ZNF140: variants seen among roughly 807,000 people sequenced by gnomAD.
ZNF140 encodes zinc finger protein 140, also known as zinc finger protein 140 (clone pHZ-39).
Under a neutral mutation model 12.9 loss-of-function variants are expected in ZNF140, and 13 were observed. The ratio of observed to expected loss-of-function variants is 1.01; its 90% CI spans 0.66 to 1.60. The LOEUF (loss-of-function observed/expected upper bound fraction) is 1.60, where lower values mean the gene tolerates loss of function less well. Among genes scored for constraint, ZNF140 ranks in the 40% most tolerant of loss-of-function variants. The pLI, the probability that ZNF140 is intolerant of heterozygous loss-of-function variation, is 0.00. For missense variants in ZNF140, 531 were observed against 548.8 expected, an observed-to-expected ratio of 0.97 and a Z score of 0.32; for synonymous variants, 214 against 186.7, an observed-to-expected ratio of 1.15 and a Z score of -1.19.
chr12:133,083,779 G>A (rs1954579178), intron 4 of ZNF140, among the ~76,000 whole-genome samples: 2 of 152,094 alleles, frequency 1.3e-5, no homozygotes, highest in South Asian at 2.1e-4. Context: ...CTAACACGGT[G>A]ACACCCCATC....
chr12:133,084,302 T>G (rs1954601789), intron 4 of ZNF140: 1 of 320,450 alleles, frequency 3.1e-6, no homozygotes, highest in Non-Finnish European at 5.9e-6. Context: ...GATTAATTCA[T>G]TACTCTTTGA....
chr12:133,099,139 T>C (rs1303620084), intron 4 of ZNF140, among the ~76,000 whole-genome samples: 2 of 150,484 alleles, frequency 1.3e-5, no homozygotes, highest in Non-Finnish European at 3.0e-5. Flanking sequence ...CCTCCCAAAG[T>C]GCTGGGATTA....
intron 4 of ZNF140, chr12:133,093,549 C>T: frequency 2.9e-6 from 2 of 686,938 alleles, no homozygotes; most frequent in Non-Finnish European, 5.3e-6. Flanking sequence ...TGGTTAAACA[C>T]AAGCAAAATC....
chr12:133,082,643 T>G (rs1954541899), intron 2 of ZNF140: 1 of 155,378 alleles, frequency 6.4e-6, no homozygotes, highest in Non-Finnish European at 1.4e-5. Context: ...TAGGGATAAC[T>G]GTGACAAACT....
intron 4 of ZNF140, among the ~76,000 whole-genome samples, chr12:133,098,386 G>A (rs1263358048): frequency 3.3e-5 from 5 of 151,818 alleles, no homozygotes; most frequent in Middle Eastern, 3.4e-3. Flanking sequence ...ACAGGCATGC[G>A]TGCTACCATG....
In ZNF140 at chr12:133,083,218, T is replaced by TG; in HGVS notation, c.127dup (p.Val43GlyfsTer9). On this transcript the variant is annotated frameshift_variant, in exon 3 of 5. Transcript: ENST00000355557. LOFTEE classifies it high-confidence loss of function. Reference sequence around the variant, plus strand: ...GTAATGTTGGAGAACTATGGCCATCTGGTCTCACTGGGTAAGTATTCTTCT... The same window carrying TG: ...GTAATGTTGGAGAACTATGGCCATCTGGGTCTCACTGGGTAAGTATTCTTCT... The TG allele has an allele frequency of 6.2e-7, 1 of 1,612,782 alleles. No homozygotes were observed. Among genetic ancestry groups the TG allele is most frequent in the Non-Finnish European group, 8.5e-7 (1 of 1,178,956 alleles).
intron 4 of ZNF140, 21 bp from the exon 5 acceptor site, chr12:133,105,488 CT>C (rs145499725): frequency 1.1e-4 from 170 of 1,518,186 alleles, no homozygotes; most frequent in Middle Eastern, 5.5e-4. Flanking sequence ...GAAACATTCA[CT>C]TTTTTTTTGG....
At chr12:133,088,844 G>A (rs1288874779) in intron 4 of ZNF140, among the ~76,000 whole-genome samples, 1 of 152,180 alleles carries the variant, frequency 6.6e-6, no homozygotes, top group African/African-American at 2.4e-5. Context: ...CTGTTGATGT[G>A]ATGGATTATA....
chr12:133,088,106 G>A (rs1954735683), intron 4 of ZNF140, among the ~76,000 whole-genome samples: 1 of 151,742 alleles, frequency 6.6e-6, no homozygotes, highest in Admixed American at 6.6e-5. Context: ...CTCCGGCCTG[G>A]GCGACAGCAA....
rs7962348 is a variant in ZNF140 at position 133,093,860 on chromosome 12, C to T, written c.232+10299C>T. On this transcript the variant is annotated intron_variant, in intron 4 of 4. Transcript: ENST00000355557. ...CACTTTCTGTGTCTCTCTCTAATCTCTGTCTCTTCCTTTTACACGATCTCT... is the reference window on the plus strand; with the variant it reads ...CACTTTCTGTGTCTCTCTCTAATCTTTGTCTCTTCCTTTTACACGATCTCT... 2.7e-3 allele frequency among the ~76,000 whole-genome samples: 409 copies of T among 151,162 alleles called. 26 individuals are homozygous for T. The highest frequency in any genetic ancestry group is 9.7e-3 in the African/African-American group (395 of 40,828).
chr12:133,097,850 T>TGTGTGTGTG (rs1491441408), intron 4 of ZNF140, among the ~76,000 whole-genome samples: 4 of 150,252 alleles, frequency 2.7e-5, no homozygotes, highest in Non-Finnish European at 4.4e-5. Flanking sequence ...TGTGTGTGTG[T>TGTGTGTGTG]TTTTGAGATG....
Position 133,105,782 on chromosome 12 carries a change from A to T in ZNF140, c.505A>T (p.Thr169Ser). Residue 169 changes from threonine to serine, a missense_variant, in exon 5 of 5, where the codon ACT (threonine) becomes TCT (serine). Thr to Ser is a moderately conservative substitution (Grantham distance 58, BLOSUM62 1). Transcript: ENST00000355557. ...CTATGGATGCCATGAATGTGGAAAA[A>T]CTTTTGGTCGACGCTTTTCCCTGGT... is the stretch of plus-strand genomic sequence containing the variant. ...RPYGCHECGKTFGRRFSLVLH... is the reference protein window; with the variant it reads ...RPYGCHECGKSFGRRFSLVLH... 6.2e-7 allele frequency: 1 copy of T among 1,614,156 alleles called. No homozygotes were observed. The highest frequency in any genetic ancestry group is 8.5e-7 in the Non-Finnish European group (1 of 1,180,030).
intron 2 of ZNF140, chr12:133,082,414 C>G (rs1489437649): frequency 6.6e-6 from 1 of 152,232 alleles, no homozygotes; most frequent in Non-Finnish European, 1.5e-5. Flanking sequence ...CCATTCATGC[C>G]TTATAGATCA....
At chr12:133,083,275 G>A (rs1593740094) in intron 3 of ZNF140, 46 bp downstream of exon 3, 2 of 1,584,160 alleles carry the variant, frequency 1.3e-6, no homozygotes, top group African/African-American at 1.4e-5. Flanking sequence ...TTGACCGTTA[G>A]GGTGGCTGTT....
intron 4 of ZNF140, chr12:133,101,197 G>A: frequency 8.5e-6 from 2 of 234,034 alleles, no homozygotes; most frequent in Non-Finnish European, 1.8e-5. Flanking sequence ...CTCCATCTGT[G>A]GTTTGGTTTA....
In ZNF140 at chr12:133,095,740, A is replaced by G. The variant is rs542282388; in HGVS notation, c.233-9770A>G. Among the ~76,000 whole-genome samples the G allele has an allele frequency of 8.5e-4, 129 of 151,212 alleles. No individual in the cohort carries two copies. In the East Asian group the frequency reaches 0.015, roughly 17 times the overall value. ...GGTCAGCAAAAAACATGTGAGCAAA[A>G]GAATCTATGTCATAATTAGGTTTAA... On this transcript the variant is annotated intron_variant, in intron 4 of 4. Transcript: ENST00000355557.
chr12:133,081,309 C>G lies in ZNF140; in HGVS notation c.-12C>G, dbSNP rs1304942021. 6.6e-7 allele frequency: 1 copy of G among 1,517,580 alleles called. No homozygotes were observed. Among genetic ancestry groups the G allele is most frequent in the Admixed American group, 1.8e-5 (1 of 56,174 alleles). 94.0% of individuals were successfully genotyped at this position (1,517,580 alleles called of 1,614,324 possible). ...TACACTTTTCTGATCTCCTCCTTCC[C>G]TTCTGTGAGCTATGTCTCAGGTAAG... On this transcript the variant is annotated 5_prime_UTR_variant, in exon 2 of 5. Coordinates refer to ENST00000355557, the MANE Select transcript of ZNF140 (RefSeq NM_003440.4).
intron 4 of ZNF140, among the ~76,000 whole-genome samples, chr12:133,097,850 T>TGTGTGTGTGTGTGTGTGTGTGTGTGTG (rs1491441408): frequency 1.3e-5 from 2 of 150,268 alleles, no homozygotes; most frequent in Non-Finnish European, 1.5e-5. Context: ...TGTGTGTGTG[T>TGTGTGTGTGTGTGTGTGTGTGTGTGTG]TTTTGAGATG....
At chr12:133,087,600 T>C (rs1283559513) in intron 4 of ZNF140, among the ~76,000 whole-genome samples, 1 of 151,988 alleles carries the variant, frequency 6.6e-6, no homozygotes, top group Non-Finnish European at 1.5e-5. Flanking sequence ...TAAACTCCAC[T>C]GCATTCAGAC....
Sources: allele counts gnomAD v4.1 joint callset (sites outside exome capture counted in the v4.1 genomes callset), GRCh38; gene constraint gnomAD v4.1.1; transcripts MANE v1.5; gene names NCBI Gene and HGNC (gene_info 2026-07-23, HGNC 2026-07-21).